The following SYT1 variants were observed in gnomAD, a reference collection of about 807,000 sequenced individuals.
SYT1 encodes synaptotagmin-1.
In SYT1, 8 loss-of-function variants were observed where a neutral mutation model predicts 44.8. That is an observed-to-expected ratio of 0.18 (90% CI 0.10 to 0.32). SYT1 has a LOEUF of 0.32. SYT1 is among the 10% of genes least tolerant of loss of function. The probability of loss-of-function intolerance (pLI) is 1.00; values close to 1 mark genes in which losing one functional copy is unlikely to be tolerated. For synonymous variants in SYT1, 154 were observed against 188.8 expected, an observed-to-expected ratio of 0.82 and a Z score of 1.51; for missense variants, 286 against 509.3, an observed-to-expected ratio of 0.56 and a Z score of 4.22.
chr12:79,047,005 G>A (rs1874117713), intron 2 of SYT1, among the ~76,000 whole-genome samples: 1 of 151,786 alleles, frequency 6.6e-6, no homozygotes, highest in African/African-American at 2.4e-5. Context: ...GCCTAGATTA[G>A]TGTTACTCTA....
intron 8 of SYT1, among the ~76,000 whole-genome samples, chr12:79,310,651 G>T (rs1368705266): frequency 6.6e-6 from 1 of 152,180 alleles, no homozygotes; most frequent in East Asian, 1.9e-4. Context: ...CCGTGAGCAT[G>T]GAATGTTCTT....
intron 3 of SYT1, among the ~76,000 whole-genome samples, chr12:79,154,545 A>T (rs774060838): frequency 1.3e-5 from 2 of 152,112 alleles, no homozygotes; most frequent in Non-Finnish European, 2.9e-5. Context: ...ACTGTCAGGT[A>T]GAGATAATGG....
At chr12:79,210,400 C>T (rs1874368061) in intron 3 of SYT1, among the ~76,000 whole-genome samples, 1 of 152,156 alleles carries the variant, frequency 6.6e-6, no homozygotes, top group Non-Finnish European at 1.5e-5. Context: ...TCTCTCACCC[C>T]TCTCCCACTT....
chr12:79,011,328 A>G (rs1207833620), intron 2 of SYT1, among the ~76,000 whole-genome samples: 1 of 152,232 alleles, frequency 6.6e-6, no homozygotes, highest in Non-Finnish European at 1.5e-5. Flanking sequence ...GCTTAGAAGA[A>G]GGATAATTAA....
intron 1 of SYT1, among the ~76,000 whole-genome samples, chr12:78,949,185 C>A (rs879394024): frequency 6.6e-5 from 10 of 151,138 alleles, no homozygotes; most frequent in Non-Finnish European, 1.3e-4. Context: ...ATTTTTTGAA[C>A]CATAGGCAAA....
chr12:79,305,014 C>A (rs906601793), intron 8 of SYT1, among the ~76,000 whole-genome samples: 2 of 151,930 alleles, frequency 1.3e-5, no homozygotes, highest in African/African-American at 2.4e-5. Context: ...TTTCTGTCAC[C>A]AATTATAATT....
intron 1 of SYT1, among the ~76,000 whole-genome samples, chr12:78,966,362 A>G (rs1879775165): frequency 6.6e-6 from 1 of 152,058 alleles, no homozygotes; most frequent in Non-Finnish European, 1.5e-5. Flanking sequence ...TGGTACCCTT[A>G]TCATCATTTT....
chr12:79,379,224 G>A (rs941392758), intron 9 of SYT1, among the ~76,000 whole-genome samples: 3 of 152,064 alleles, frequency 2.0e-5, no homozygotes, highest in Admixed American at 1.3e-4. Flanking sequence ...AAAATATGAG[G>A]AAAACAATGG....
At chr12:79,129,389 G>A (rs1868658393) in intron 3 of SYT1, among the ~76,000 whole-genome samples, 1 of 152,148 alleles carries the variant, frequency 6.6e-6, no homozygotes, top group Admixed American at 6.5e-5. Context: ...CTAAGCCAAA[G>A]AAAGATCAAA....
intron 4 of SYT1, among the ~76,000 whole-genome samples, chr12:79,226,151 A>G (rs1210559553): frequency 1.1e-5 from 1 of 87,222 alleles, no homozygotes; most frequent in Non-Finnish European, 2.4e-5. Context: ...TATGCTGACA[A>G]ATTTAAGCAT....
intron 3 of SYT1, among the ~76,000 whole-genome samples, chr12:79,079,179 G>A (rs905455333): frequency 1.3e-5 from 2 of 151,998 alleles, no homozygotes; most frequent in African/African-American, 4.8e-5. Context: ...GTCACAAGTT[G>A]GCAAAACTAT....
chr12:79,428,522 G>A (rs1013494856), intron 9 of SYT1, among the ~76,000 whole-genome samples: 1 of 152,200 alleles, frequency 6.6e-6, no homozygotes, highest in Non-Finnish European at 1.5e-5. Flanking sequence ...CTAGGGAGCA[G>A]TGGTGAATAG....
chr12:79,339,954 C>A (rs1484193630), intron 8 of SYT1, among the ~76,000 whole-genome samples: 1 of 152,082 alleles, frequency 6.6e-6, no homozygotes, highest in East Asian at 1.9e-4. Flanking sequence ...TTGTTTTTGT[C>A]AGTTTTGTCA....
intron 4 of SYT1, among the ~76,000 whole-genome samples, chr12:79,234,570 CA>C (rs1876063871): frequency 6.6e-6 from 1 of 152,172 alleles, no homozygotes; most frequent in African/African-American, 2.4e-5. Flanking sequence ...ATTCATCTTG[CA>C]TGTTTCAGTA....
chr12:79,222,133 A>G (rs1254412754), intron 4 of SYT1, among the ~76,000 whole-genome samples: 1 of 152,066 alleles, frequency 6.6e-6, no homozygotes, highest in Non-Finnish European at 1.5e-5. Flanking sequence ...CTCCTGGCCT[A>G]TAAAATTTCT....
At chr12:78,875,144 T>C (rs1874000660) in intron 1 of SYT1, among the ~76,000 whole-genome samples, 2 of 151,670 alleles carry the variant, frequency 1.3e-5, no homozygotes, top group Non-Finnish European at 1.5e-5. Context: ...GATTAAACGT[T>C]ATCAATTTGT....
chr12:79,047,830 T>C (rs1874186175), intron 3 of SYT1, among the ~76,000 whole-genome samples: 1 of 151,898 alleles, frequency 6.6e-6, no homozygotes, highest in Non-Finnish European at 1.5e-5. Flanking sequence ...CTACACCATA[T>C]TCTCATTAGT....
chr12:78,928,843 T>A (rs181340043), intron 1 of SYT1, among the ~76,000 whole-genome samples: 5 of 152,236 alleles, frequency 3.3e-5, no homozygotes, highest in Non-Finnish European at 5.9e-5. Context: ...ATTTTCAAAC[T>A]GCACGGTAAC....
At chr12:79,191,800 G>T (rs890562894) in intron 3 of SYT1, among the ~76,000 whole-genome samples, 1 of 151,990 alleles carries the variant, frequency 6.6e-6, no homozygotes, top group East Asian at 1.9e-4. Context: ...CTGAGGACTT[G>T]CTGGTCTAGT....
Sources: allele counts gnomAD v4.1 joint callset (sites outside exome capture counted in the v4.1 genomes callset), GRCh38; gene constraint gnomAD v4.1.1; transcripts MANE v1.5; gene names NCBI Gene and HGNC (gene_info 2026-07-23, HGNC 2026-07-21).